The following ABCC8 variants were observed in gnomAD, a reference collection of about 807,000 sequenced individuals.
ABCC8 encodes ATP-binding cassette sub-family C member 8.
In ABCC8, 137 loss-of-function variants were observed where a neutral mutation model predicts 188.0. The observed-to-expected ratio is 0.73, with a 90% CI of 0.63 to 0.84. The LOEUF (loss-of-function observed/expected upper bound fraction) is 0.84, where lower values mean the gene tolerates loss of function less well. ABCC8 is among the 40% of genes least tolerant of loss of function. The probability of loss-of-function intolerance (pLI) is 0.00; values close to 1 mark genes in which losing one functional copy is unlikely to be tolerated. For missense variants in ABCC8, 1,750 were observed against 2,072.7 expected (o/e 0.84, Z 3.02); for synonymous variants, 797 against 846.5 (o/e 0.94, Z 1.01).
At chr11:17,414,360 G>T in intron 19 of ABCC8, 152 bp downstream of exon 19, 1 of 1,121,056 alleles carries the variant, frequency 8.9e-7, no homozygotes, top group Non-Finnish European at 1.3e-6. Flanking sequence ...CCCTCTCCAG[G>T]TGCACCATAT....
rs1439210331 is a variant in ABCC8 at position 17,402,711 on chromosome 11, G to A, written c.3600C>T (p.Leu1200=). The part of the protein sequence containing the change: ...QLDDTTQLPL[L]SHFAETVEGL... Reference sequence around the variant, plus strand: ...CTTCTACGGTTTCGGCAAAGTGTGAGAGAAGTGGAAGCTGGGTGGTGTCAT... The same window carrying A: ...CTTCTACGGTTTCGGCAAAGTGTGAAAGAAGTGGAAGCTGGGTGGTGTCAT... Residue 1200 remains leucine (L), a synonymous_variant, in exon 29 of 39, where the codon CTC becomes CTT. Transcript: ENST00000389817. The A allele has an allele frequency of 6.2e-7, 1 of 1,614,236 alleles. No individual in the cohort carries two copies. Among genetic ancestry groups the A allele is most frequent in the African/African-American group, 1.3e-5 (1 of 75,074 alleles).
At chr11:17,409,273 C>G (rs1954695419) in intron 22 of ABCC8, among the ~76,000 whole-genome samples, 1 of 152,108 alleles carries the variant, frequency 6.6e-6, no homozygotes, top group Non-Finnish European at 1.5e-5. Flanking sequence ...AACTTTTTAT[C>G]TGGAACACTT....
chr11:17,432,923 C>A (rs534146976), intron 10 of ABCC8, among the ~76,000 whole-genome samples: 2 of 152,272 alleles, frequency 1.3e-5, no homozygotes, highest in Non-Finnish European at 2.9e-5. Flanking sequence ...AGCTGTGTAA[C>A]CTAGGGCATG....
At chr11:17,408,676 T>A in intron 22 of ABCC8, 159 bp from the exon 23 acceptor site, 1 of 686,910 alleles carries the variant, frequency 1.5e-6, no homozygotes, top group Non-Finnish European at 1.8e-6. Context: ...ATTGATAACC[T>A]ACCCCAACCA....
chr11:17,440,457 C>A (rs1956271343), intron 10 of ABCC8, among the ~76,000 whole-genome samples: 1 of 152,172 alleles, frequency 6.6e-6, no homozygotes, highest in Admixed American at 6.5e-5. Context: ...CTAGATGTTC[C>A]TTCCAAATTT....
intron 5 of ABCC8, 109 bp from the exon 6 acceptor site, chr11:17,460,785 C>A (rs1396548444): frequency 9.7e-6 from 15 of 1,549,044 alleles, no homozygotes; most frequent in Non-Finnish European, 1.2e-5. Context: ...ACCCAGTGGT[C>A]ACATCCTCTG....
intron 8 of ABCC8, among the ~76,000 whole-genome samples, chr11:17,445,545 C>T (rs530338098): frequency 3.3e-4 from 51 of 152,316 alleles, no homozygotes; most frequent in African/African-American, 1.2e-3. Flanking sequence ...GGGAATGGGG[C>T]TTCTGCACTC....
chr11:17,446,784 T>C (rs1047993124), intron 8 of ABCC8, among the ~76,000 whole-genome samples: 9 of 152,224 alleles, frequency 5.9e-5, no homozygotes, highest in African/African-American at 1.9e-4. Flanking sequence ...CTTGTCTAGC[T>C]GTGTCCCTGT....
chr11:17,470,852 G>A (rs558390531), intron 2 of ABCC8, among the ~76,000 whole-genome samples: 1 of 152,180 alleles, frequency 6.6e-6, no homozygotes, highest in South Asian at 2.1e-4. Flanking sequence ...TGGGTGGACT[G>A]TGGCCTGGGG....
intron 35 of ABCC8, 91 bp from the exon 36 acceptor site, chr11:17,395,366 T>A: frequency 6.5e-7 from 1 of 1,546,416 alleles, no homozygotes; most frequent in Non-Finnish European, 8.7e-7. Flanking sequence ...GAGAGCAGAC[T>A]GAGTTGGAGG....
At chr11:17,448,273 T>A (rs1435964101) in intron 8 of ABCC8, 2 of 522,618 alleles carry the variant, frequency 3.8e-6, no homozygotes, top group Non-Finnish European at 6.9e-6. Context: ...GTTTATAAAG[T>A]TGGCTCCATT....
chr11:17,438,377 C>T (rs1431948488), intron 10 of ABCC8, among the ~76,000 whole-genome samples: 2 of 113,534 alleles, frequency 1.8e-5, no homozygotes, highest in Non-Finnish European at 3.5e-5. Context: ...TGGCTCTGAC[C>T]ACATGGTCAC....
rs759728510 is a variant in ABCC8 at position 17,461,760 on chromosome 11, T to C, written c.645A>G (p.Val215=). The C allele has an allele frequency of 9.9e-6, 16 of 1,614,168 alleles. No individual in the cohort carries two copies. Among genetic ancestry groups the C allele is most frequent in the Non-Finnish European group, 1.3e-5 (15 of 1,180,024 alleles). The part of the protein sequence containing the change: ...KPPEDLQDLG[V]RFLQPFVNLL... ...GATTCACGAAGGGCTGCAGGAAGCGTACCCCCAGGTCTTGCAGGTCCTCGG... is the reference window on the plus strand; with the variant it reads ...GATTCACGAAGGGCTGCAGGAAGCGCACCCCCAGGTCTTGCAGGTCCTCGG... Residue 215 remains valine (V), a synonymous_variant, in exon 5 of 39, where the codon GTA becomes GTG. Coordinates refer to ENST00000389817, the MANE Select transcript of ABCC8 (RefSeq NM_000352.6).
chr11:17,433,672 G>T (rs1371623560), intron 10 of ABCC8, among the ~76,000 whole-genome samples: 1 of 152,306 alleles, frequency 6.6e-6, no homozygotes, highest in East Asian at 1.9e-4. Context: ...TCTCAAGCAG[G>T]TGGGAAGGAC....
chr11:17,465,099 T>C (rs1848069034), intron 3 of ABCC8, among the ~76,000 whole-genome samples: 1 of 152,178 alleles, frequency 6.6e-6, no homozygotes, highest in South Asian at 2.1e-4. Flanking sequence ...GACATTAGGA[T>C]GGAGGGCAGA....
At chr11:17,435,764 C>A (rs1251089855) in intron 10 of ABCC8, 1 of 1,347,810 alleles carries the variant, frequency 7.4e-7, no homozygotes, top group Non-Finnish European at 1.1e-6. Context: ...AGGCCTTTTC[C>A]TAGGTCCCAC....
At chr11:17,440,432 G>A (rs927251417) in intron 10 of ABCC8, among the ~76,000 whole-genome samples, 1 of 152,174 alleles carries the variant, frequency 6.6e-6, no homozygotes, top group African/African-American at 2.4e-5. Context: ...AGGGACATTG[G>A]CTTTTCTGAG....
chr11:17,399,804 T>A (rs2133420213), intron 29 of ABCC8, among the ~76,000 whole-genome samples: 1 of 152,312 alleles, frequency 6.6e-6, no homozygotes, highest in South Asian at 2.1e-4. Flanking sequence ...CCTCTGAAAT[T>A]GATGGAATCT....
rs1354438772 is a variant in ABCC8, at chr11:17,406,974, G to C, written c.3076C>G (p.Leu1026Val). The C allele has an allele frequency of 1.9e-6, 3 of 1,614,110 alleles. No individual in the cohort carries two copies. Among genetic ancestry groups the C allele is most frequent in the Non-Finnish European group, 2.5e-6 (3 of 1,180,060 alleles). ...GCCAGCCAGTAGTCGATGGCCACCA[G>C]GACCATGTGCTTGAGCAGCTGTGAG... is the stretch of plus-strand genomic sequence containing the variant. The part of the protein sequence containing the change: ...VFSQLLKHMV[L>V]VAIDYWLAKW... Residue 1026 changes from leucine to valine, a missense_variant, in exon 25 of 39, where the codon CTG (leucine) becomes GTG (valine). Coordinates refer to ENST00000389817, the MANE Select transcript of ABCC8 (RefSeq NM_000352.6).
Sources: gnomAD v4.1 joint callset for allele counts (sites outside exome capture counted in the v4.1 genomes callset) on GRCh38, gnomAD v4.1.1 for gene constraint, MANE v1.5 for transcripts, NCBI Gene and HGNC (gene_info 2026-07-23, HGNC 2026-07-21) for gene names.